The following PRC1 variants were observed in gnomAD, a reference collection of about 807,000 sequenced individuals.
The protein encoded by PRC1 is protein regulator of cytokinesis 1.
Under a neutral mutation model 91.2 loss-of-function variants are expected in PRC1, and 54 were observed. That is an observed-to-expected ratio of 0.59 (90% CI 0.48 to 0.74). The LOEUF (loss-of-function observed/expected upper bound fraction) is 0.74, where lower values mean the gene tolerates loss of function less well. Ranked by LOEUF, PRC1 falls within the 30% of genes least tolerant of loss-of-function variation. The pLI is 0.00. For synonymous variants in PRC1, 275 were observed against 263.6 expected (o/e 1.04, Z -0.42); for missense variants, 727 against 746.2 (o/e 0.97, Z 0.30).
At position 90,984,269 on chromosome 15, in the gene PRC1, C is replaced by T; in HGVS notation, c.145-129G>A. ...TTTGAGATGGAGTCTCGCTCTGTTG[C>T]CCAGGCTGGAGTGCAATGGCGTGCT... is the stretch of plus-strand genomic sequence containing the variant. On this transcript the variant is annotated intron_variant, in intron 2 of 14. Transcript: ENST00000394249. This position sits in a 1 kb window ranked among gnomAD's most constrained non-coding sequence, Gnocchi z 5.1. 7.6e-7 allele frequency: 1 copy of T among 1,307,464 alleles called. No homozygotes were observed. The highest frequency in any genetic ancestry group is 1.4e-5 in the South Asian group (1 of 70,964). 81.0% of individuals were successfully genotyped at this position (1,307,464 alleles called of 1,614,324 possible).
chr15:90,969,639 A>G lies in PRC1; in HGVS notation c.1573-16T>C, dbSNP rs2037878261. 4 of 1,580,142 alleles carry G rather than the reference A, an allele frequency of 2.5e-6. No individual in the cohort carries two copies. The highest frequency in any genetic ancestry group is 2.7e-5 in the African/African-American group (2 of 73,852). On this transcript the variant is annotated splice_polypyrimidine_tract_variant and intron_variant, in intron 12 of 14. Transcript: ENST00000394249. ...CAGCGACTGGCTGCAGAGAAAGGAA[A>G]GAGATCCATGTATCATCCTTCTAAT...
chr15:90,994,292 G>A lies in PRC1; in HGVS notation c.11+115C>T, dbSNP rs911427734. On this transcript the variant is annotated intron_variant, in intron 1 of 14. Transcript: ENST00000394249. ...CCCCCGGCCTCCCTCGGCGCCGACT[G>A]CCGTGACGATCTAGGCCCGGGACCC... 10 of 1,508,536 alleles carry A rather than the reference G, an allele frequency of 6.6e-6. No homozygotes were observed. The Admixed American group carries it at 1.9e-4, about 28-fold the overall frequency. The allele number at this position is 1,508,536 out of a possible 1,614,324, so 93.4% of individuals were successfully genotyped here.
At chr15:90,981,111 T>C in intron 5 of PRC1, 78 bp from the exon 6 acceptor site, 1 of 1,571,158 alleles carries the variant, frequency 6.4e-7, no homozygotes, top group African/African-American at 1.4e-5. Context: ...CGCAAAGAAA[T>C]GTCTGGAGTA....
chr15:90,970,358 G>A (rs775543064), intron 12 of PRC1, 46 bp downstream of exon 12: 2 of 1,422,788 alleles, frequency 1.4e-6, no homozygotes, highest in Non-Finnish European at 9.9e-7. Flanking sequence ...GGGTGAACAG[G>A]CTAGGGACGC....
At chr15:90,985,133 A>G (rs2039487149) in intron 1 of PRC1, among the ~76,000 whole-genome samples, 1 of 152,230 alleles carries the variant, frequency 6.6e-6, no homozygotes, top group Admixed American at 6.5e-5. Flanking sequence ...AAACCGGACA[A>G]AAGATGTTGG....
At chr15:90,968,631 T>C in intron 14 of PRC1, 1 of 1,001,014 alleles carries the variant, frequency 1.0e-6, no homozygotes, top group Non-Finnish European at 1.2e-6. Context: ...CAGCATTAGC[T>C]AGCTGAGAAT....
At position 90,979,221 on chromosome 15, in the gene PRC1, G is replaced by A; in HGVS notation, c.1044C>T (p.His348=). ...IVRLKNYYEV[H]KELFEGVQKW... ...TCTGGACACCTTCAAAGAGTTCCTTGTGAACTTCATAGTAGTTTTTTAACC... is the reference window on the plus strand; with the variant it reads ...TCTGGACACCTTCAAAGAGTTCCTTATGAACTTCATAGTAGTTTTTTAACC... The change falls in exon 8 of 15, where the codon CAC becomes CAT. Residue 348 remains histidine, a synonymous_variant. Coordinates refer to ENST00000394249, the MANE Select transcript of PRC1 (RefSeq NM_003981.4). 3 of 1,614,180 alleles carry A rather than the reference G, an allele frequency of 1.9e-6. No homozygotes were observed. Among genetic ancestry groups the A allele is most frequent in the South Asian group, 1.1e-5 (1 of 91,086 alleles).
chr15:90,973,576 C>T (rs1421320779), intron 11 of PRC1, among the ~76,000 whole-genome samples: 4 of 152,066 alleles, frequency 2.6e-5, no homozygotes, highest in Non-Finnish European at 4.4e-5. Flanking sequence ...CTGCATGCCC[C>T]TGGGAACGGA....
chr15:90,986,773 A>G (rs990773244), intron 1 of PRC1, among the ~76,000 whole-genome samples: 4 of 152,128 alleles, frequency 2.6e-5, no homozygotes, highest in African/African-American at 9.7e-5. Context: ...AACAGTATAC[A>G]ATTGAAACTA....
chr15:90,984,390 G>A lies in PRC1; in HGVS notation c.145-250C>T, dbSNP rs1480324075. Among the ~76,000 whole-genome samples the A allele has an allele frequency of 6.6e-6, 1 of 151,952 alleles. No individual in the cohort carries two copies. Among genetic ancestry groups the A allele is most frequent in the African/African-American group, 2.4e-5 (1 of 41,358 alleles). ...ATTACAGGTGCTCACCACCATGCCC[G>A]GCTAATTTTTTTATTTTTAGTAGAG... On this transcript the variant is annotated intron_variant, in intron 2 of 14. Coordinates refer to ENST00000394249, the MANE Select transcript of PRC1 (RefSeq NM_003981.4). The surrounding 1 kb of genome is among the most constrained non-coding windows in gnomAD (Gnocchi z 5.1).
intron 11 of PRC1, among the ~76,000 whole-genome samples, chr15:90,972,015 G>A (rs151031353): frequency 1.4e-3 from 210 of 149,372 alleles, no homozygotes; most frequent in South Asian, 0.011. Flanking sequence ...GCAACAGAGC[G>A]AGACTCCGTC....
chr15:90,966,874 C>T lies in PRC1; in HGVS notation c.*257G>A. On this transcript the variant is annotated 3_prime_UTR_variant, in exon 15 of 15. Transcript: ENST00000394249. ...AGAATTATGTGGTAGAGAAGTCAGGCCCCATATGCTAAAATTTGCACTTCT... is the reference window on the plus strand; with the variant it reads ...AGAATTATGTGGTAGAGAAGTCAGGTCCCATATGCTAAAATTTGCACTTCT... 1 of 539,088 alleles carries T rather than the reference C, an allele frequency of 1.9e-6. No homozygotes were observed. The highest frequency in any genetic ancestry group is 3.3e-6 in the Non-Finnish European group (1 of 299,944). 33.4% of individuals were successfully genotyped at this position (539,088 alleles called of 1,614,324 possible). A position where few individuals can be genotyped will look rare whatever the true frequency, so the allele number is the denominator to read the frequency against.
In PRC1 at chr15:90,974,617, G is replaced by A; in HGVS notation, c.1318C>T (p.Arg440Ter). Residue 440 changes from arginine (R) to a stop codon, truncating the protein, a stop_gained, in exon 10 of 15, where the codon CGA becomes TGA. Coordinates refer to ENST00000394249, the MANE Select transcript of PRC1 (RefSeq NM_003981.4). LOFTEE classifies it high-confidence loss of function. The surrounding 1 kb of genome is among the most constrained non-coding windows in gnomAD (Gnocchi z 4.6). The stretch of plus-strand genomic sequence containing the variant: ...TGCTTGGCTCTCTCTTTCTCCAATC[G>A]ATGCATCTCCCATTGTTCTGCCACA... ...EYVAEQWEMH[R>*]LEKERAKQER... 3 of 1,614,112 alleles carry A rather than the reference G, an allele frequency of 1.9e-6. No homozygotes were observed. Among genetic ancestry groups the A allele is most frequent in the Non-Finnish European group, 2.5e-6 (3 of 1,180,038 alleles).
rs2038736945 is a variant in PRC1, at chr15:90,976,774, G to A, written c.1108-3C>T. The A allele has an allele frequency of 1.2e-6, 2 of 1,604,724 alleles. No individual in the cohort carries two copies. The highest frequency in any genetic ancestry group is 2.2e-5 in the South Asian group (2 of 90,480). On this transcript the variant is annotated splice_polypyrimidine_tract_variant and splice_region_variant and intron_variant, in intron 8 of 14. Coordinates refer to ENST00000394249, the MANE Select transcript of PRC1 (RefSeq NM_003981.4). ...CGATTTGGATCTGAAGCTTTTCTCTGTGAAAAATACATTTTTAATTAGTGG... is the reference window on the plus strand; with the variant it reads ...CGATTTGGATCTGAAGCTTTTCTCTATGAAAAATACATTTTTAATTAGTGG...
At position 90,974,174 on chromosome 15, in the gene PRC1, G is replaced by C. The variant is rs372671624; in HGVS notation, c.1423C>G (p.Arg475Gly). ...CCCGGTGTATTGGGAGCCAGTCCTCGCCGCTTGCTAGGTGTTCGAGGAGCG... is the reference window on the plus strand; with the variant it reads ...CCCGGTGTATTGGGAGCCAGTCCTCCCCGCTTGCTAGGTGTTCGAGGAGCG... Reference protein sequence around the residue: ...GSAPRTPSKRRGLAPNTPGKA... With the variant: ...GSAPRTPSKRGGLAPNTPGKA... The change falls in exon 11 of 15, where the codon CGA (arginine) becomes GGA (glycine). Residue 475 changes from arginine to glycine, a missense_variant. Transcript: ENST00000394249. This position sits in a 1 kb window ranked among gnomAD's most constrained non-coding sequence, Gnocchi z 4.6. The C allele has an allele frequency of 3.1e-6, 5 of 1,614,136 alleles. No individual in the cohort carries two copies. The highest frequency in any genetic ancestry group is 4.5e-5 in the East Asian group (2 of 44,876).
At position 90,970,393 on chromosome 15, in the gene PRC1, G is replaced by C; in HGVS notation, c.1572+11C>G. ...CATGTGAGGATGTGCTTAGACACAG[G>C]GCATACTAACCTTGCTGCCAGAAGG... On this transcript the variant is annotated intron_variant, in intron 12 of 14. Coordinates refer to ENST00000394249, the MANE Select transcript of PRC1 (RefSeq NM_003981.4). 6.4e-7 allele frequency: 1 copy of C among 1,567,740 alleles called. No homozygotes were observed. The highest frequency in any genetic ancestry group is 8.8e-7 in the Non-Finnish European group (1 of 1,138,142).
At position 90,989,273 on chromosome 15, in the gene PRC1, A is replaced by G. The variant is rs184846722; in HGVS notation, c.12-4448T>C. Reference sequence around the variant, plus strand: ...CAATTGATTTTTTGTTTTTTGAGACAGGGCCTCACTGTCACCTGGGCTGGA... The same window carrying G: ...CAATTGATTTTTTGTTTTTTGAGACGGGGCCTCACTGTCACCTGGGCTGGA... On this transcript the variant is annotated intron_variant, in intron 1 of 14. Transcript: ENST00000394249. Among the ~76,000 whole-genome samples the G allele has an allele frequency of 3.8e-3, 580 of 152,256 alleles. 8 individuals are homozygous for G. Among genetic ancestry groups the G allele is most frequent in the African/African-American group, 0.013 (558 of 41,550 alleles).
chr15:90,979,188 T>C lies in PRC1; in HGVS notation c.1077A>G (p.Glu359=). The C allele has an allele frequency of 6.2e-7, 1 of 1,613,842 alleles. No individual in the cohort carries two copies. The highest frequency in any genetic ancestry group is 1.1e-5 in the South Asian group (1 of 91,036). The part of the protein sequence containing the change: ...KELFEGVQKW[E]ETWRLFLEFE... ...ACTCTAAGAAAAGCCTCCAGGTTTC[T>C]TCCCACTTCTGGACACCTTCAAAGA... is the stretch of plus-strand genomic sequence containing the variant. The change falls in exon 8 of 15, where the codon GAA becomes GAG. Residue 359 remains glutamate, a synonymous_variant. Coordinates refer to ENST00000394249, the MANE Select transcript of PRC1 (RefSeq NM_003981.4).
rs775911877 is a variant in PRC1 at position 90,981,740 on chromosome 15, C to A, written c.501+8G>T. 6.2e-7 allele frequency: 1 copy of A among 1,609,640 alleles called. No individual in the cohort carries two copies. The highest frequency in any genetic ancestry group is 1.1e-5 in the South Asian group (1 of 90,858). On this transcript the variant is annotated splice_region_variant and intron_variant, in intron 4 of 14. Coordinates refer to ENST00000394249, the MANE Select transcript of PRC1 (RefSeq NM_003981.4). ...GACTTTTAGGAAGAACAAATGTAGG[C>A]AGTGTACCTTTGTTTCCCTCAAAGT...
Sources: allele counts gnomAD v4.1 joint callset (sites outside exome capture counted in the v4.1 genomes callset), GRCh38; gene constraint gnomAD v4.1.1; non-coding constraint Gnocchi (gnomAD v3.1); transcripts MANE v1.5; gene names NCBI Gene and HGNC (gene_info 2026-07-23, HGNC 2026-07-21).